The following CYTH1 variants were observed in gnomAD, a reference collection of about 807,000 sequenced individuals.
CYTH1 encodes cytohesin-1.
CYTH1 carries 18 observed loss-of-function variants against 61.8 expected under a neutral mutation model. That is an observed-to-expected ratio of 0.29 (90% CI 0.20 to 0.43). CYTH1 has a LOEUF of 0.43. Ranked by LOEUF, CYTH1 falls within the 20% of genes least tolerant of loss-of-function variation. The probability of loss-of-function intolerance (pLI) is 1.00; values close to 1 mark genes in which losing one functional copy is unlikely to be tolerated. For missense variants in CYTH1, 336 were observed against 510.5 expected (o/e 0.66, Z 3.29); for synonymous variants, 174 against 184.3 (o/e 0.94, Z 0.45).
intron 1 of CYTH1, among the ~76,000 whole-genome samples, chr17:78,750,637 C>T (rs1217789636): frequency 6.6e-6 from 1 of 151,946 alleles, no homozygotes; most frequent in Non-Finnish European, 1.5e-5. Context: ...GAAACCCCAT[C>T]TCTATGAAAA....
chr17:78,782,211 C>G lies in CYTH1; in HGVS notation c.13G>C (p.Asp5His), dbSNP rs578011422. The G allele has an allele frequency of 5.8e-6, 8 of 1,367,730 alleles. No individual in the cohort carries two copies. In the South Asian group the frequency reaches 1.0e-4, roughly 18 times the overall value. 84.7% of individuals were successfully genotyped at this position (1,367,730 alleles called of 1,614,324 possible). The change falls in exon 1 of 14, where the codon GAC becomes CAC. Residue 5 changes from aspartate (D) to histidine (H), a missense_variant. By Grantham distance (81) the Asp-to-His change is moderately conservative. Around this residue, in one of 4 missense-constraint regions of CYTH1, gnomAD observed 112 missense variants for 127.1 expected, o/e 0.88. Coordinates refer to ENST00000446868, the MANE Select transcript of CYTH1 (RefSeq NM_004762.6). Reference protein sequence around the residue: MEEDDSYVPSDLTAE... With the variant: MEEDHSYVPSDLTAE... ...GCCGGGGCGCACTGACCGTAGCTGT[C>G]GTCCTCCTCCATGGTGCGGGAGCCG...
At chr17:78,727,838 GAAGA>G (rs1157263176) in intron 1 of CYTH1, 1 of 383,064 alleles carries the variant, frequency 2.6e-6, no homozygotes, top group African/African-American at 2.1e-5. Context: ...ACTGTAGGAG[GAAGA>G]AAGACGAGAC....
At chr17:78,718,377 A>C (rs1348338272) in intron 1 of CYTH1, among the ~76,000 whole-genome samples, 1 of 152,212 alleles carries the variant, frequency 6.6e-6, no homozygotes, top group Admixed American at 6.5e-5. Flanking sequence ...TGCTCAGAGG[A>C]GAACAACTGG....
intron 11 of CYTH1, chr17:78,691,529 T>C (rs2092886050): frequency 6.6e-6 from 1 of 152,236 alleles, no homozygotes; most frequent in Non-Finnish European, 1.5e-5. Flanking sequence ...ATTTTCTCAG[T>C]GGGATCAATG....
At chr17:78,745,189 C>A (rs1451510012) in intron 1 of CYTH1, among the ~76,000 whole-genome samples, 2 of 152,134 alleles carry the variant, frequency 1.3e-5, no homozygotes, top group African/African-American at 4.8e-5. Flanking sequence ...ATTGGGAAGA[C>A]CTCGAAGAAC....
At chr17:78,726,213 T>A (rs1220116902) in intron 1 of CYTH1, among the ~76,000 whole-genome samples, 1 of 151,834 alleles carries the variant, frequency 6.6e-6, no homozygotes, top group African/African-American at 2.4e-5. Context: ...CTGGCTAATT[T>A]TTTTGTATTT....
chr17:78,677,044 C>A, intron 13 of CYTH1: 1 of 456,086 alleles, frequency 2.2e-6, no homozygotes, highest in Non-Finnish European at 4.4e-6. Context: ...CTGGGCTGAC[C>A]TGGAACCTAT....
intron 10 of CYTH1, among the ~76,000 whole-genome samples, chr17:78,692,807 C>T (rs1248367062): frequency 6.0e-5 from 9 of 150,170 alleles, no homozygotes; most frequent in Admixed American, 5.9e-4. Flanking sequence ...GCAAATTTGC[C>T]AGAGTCAGCA....
At chr17:78,694,817 A>G (rs1567835511) in intron 10 of CYTH1, among the ~76,000 whole-genome samples, 2 of 152,230 alleles carry the variant, frequency 1.3e-5, no homozygotes, top group Non-Finnish European at 2.9e-5. Flanking sequence ...CTTGGTTATT[A>G]TGCCTGGACA....
chr17:78,744,891 T>G (rs563495317), intron 1 of CYTH1, among the ~76,000 whole-genome samples: 121 of 151,748 alleles, frequency 8.0e-4, no homozygotes, highest in Non-Finnish European at 1.3e-3. Context: ...CTTTGTTTTA[T>G]GTACACAATT....
At chr17:78,780,370 G>A (rs1424700781) in intron 1 of CYTH1, among the ~76,000 whole-genome samples, 2 of 152,168 alleles carry the variant, frequency 1.3e-5, no homozygotes, top group African/African-American at 4.8e-5. Flanking sequence ...TTAGCAGGGC[G>A]TGGTAGCCCA....
intron 10 of CYTH1, among the ~76,000 whole-genome samples, chr17:78,693,620 C>CAAAAAAAAAGA (rs796141240): frequency 9.4e-6 from 1 of 105,910 alleles, no homozygotes; most frequent in Admixed American, 1.1e-4. Context: ...GACTCCCTCT[C>CAAAAAAAAAGA]AAAAAAAAAG....
chr17:78,719,511 T>G (rs1473249882), intron 1 of CYTH1, among the ~76,000 whole-genome samples: 1 of 152,180 alleles, frequency 6.6e-6, no homozygotes, highest in African/African-American at 2.4e-5. Flanking sequence ...TTAGGGGAAC[T>G]TTTTTCCCCT....
intron 1 of CYTH1, among the ~76,000 whole-genome samples, chr17:78,713,667 C>T (rs1222258806): frequency 2.7e-5 from 4 of 145,790 alleles, no homozygotes; most frequent in Non-Finnish European, 5.9e-5. Flanking sequence ...TTAATATTCA[C>T]ACATGACAAT....
At chr17:78,730,765 C>T (rs879475115) in intron 1 of CYTH1, among the ~76,000 whole-genome samples, 3 of 151,782 alleles carry the variant, frequency 2.0e-5, no homozygotes, top group Non-Finnish European at 2.9e-5. Context: ...CCTGGGTTCA[C>T]GCCGTTCTCC....
intron 1 of CYTH1, among the ~76,000 whole-genome samples, chr17:78,757,887 G>A (rs1376626878): frequency 6.6e-6 from 1 of 151,872 alleles, no homozygotes; most frequent in Non-Finnish European, 1.5e-5. Context: ...ACTCCAGCAT[G>A]GGTGACAGAG....
Position 78,681,505 on chromosome 17 carries a change from C to T in CYTH1, c.892-463G>A, listed in dbSNP as rs1225931866. Among the ~76,000 whole-genome samples, 3 of 152,308 alleles carry T rather than the reference C, an allele frequency of 2.0e-5. No homozygotes were observed. The East Asian group carries it at 5.8e-4, about 29-fold the overall frequency. On this transcript the variant is annotated intron_variant, in intron 11 of 13. Coordinates refer to ENST00000446868, the MANE Select transcript of CYTH1 (RefSeq NM_004762.6). The stretch of plus-strand genomic sequence containing the variant: ...CTCACTGCCTCTGTCCATCGCCCCA[C>T]CGCCAGACAGTACAATCCTCAGAGA...
intron 11 of CYTH1, among the ~76,000 whole-genome samples, chr17:78,684,472 T>A (rs936098149): frequency 2.0e-5 from 3 of 152,198 alleles, no homozygotes; most frequent in African/African-American, 7.2e-5. Flanking sequence ...CAATAACCAC[T>A]CCCTTCCCCT....
intron 1 of CYTH1, among the ~76,000 whole-genome samples, chr17:78,731,101 C>T (rs1567864911): frequency 2.0e-5 from 3 of 152,124 alleles, no homozygotes; most frequent in Admixed American, 6.5e-5. Context: ...AGAATCAACG[C>T]ATCACATAGT....
Sources: allele counts gnomAD v4.1 joint callset (sites outside exome capture counted in the v4.1 genomes callset), GRCh38; gene constraint gnomAD v4.1.1; regional missense constraint gnomAD v4.1.1; transcripts MANE v1.5; gene names NCBI Gene and HGNC (gene_info 2026-07-23, HGNC 2026-07-21).